PTCHD4: variants seen among roughly 807,000 people sequenced by gnomAD.
PTCHD4 encodes the protein patched domain containing 4, also known as patched domain-containing protein 4.
PTCHD4 carries 33 observed loss-of-function variants against 58.1 expected under a neutral mutation model. That is an observed-to-expected ratio of 0.57 (90% confidence interval 0.43 to 0.76). The LOEUF (loss-of-function observed/expected upper bound fraction) is 0.76, where lower values mean the gene tolerates loss of function less well. Ranked by LOEUF, PTCHD4 falls within the 30% of genes least tolerant of loss-of-function variation. The probability of loss-of-function intolerance (pLI) is 0.00; values close to 1 mark genes in which losing one functional copy is unlikely to be tolerated. For missense variants in PTCHD4, 1,058 were observed against 1,027.1 expected (o/e 1.03, Z -0.41); for synonymous variants, 478 against 409.6 (o/e 1.17, Z -2.02).
Position 48,007,298 on chromosome 6 carries a change from T to C in PTCHD4, c.898+1336A>G, listed in dbSNP as rs149239407. The stretch of plus-strand genomic sequence containing the variant: ...TAACAACTTAACATGGCCACAATGA[T>C]ATTGAGTTAATAGATAAATAAGTTA... On this transcript the variant is annotated intron_variant, in intron 4 of 4. Coordinates refer to ENST00000339488, the MANE Select transcript of PTCHD4 (RefSeq NM_001384253.1). Among the ~76,000 whole-genome samples the C allele has an allele frequency of 6.9e-3, 1,049 of 152,244 alleles. 18 individuals are homozygous for C. Among genetic ancestry groups the C allele is most frequent in the African/African-American group, 0.022 (934 of 41,542 alleles).
intron 1 of PTCHD4, among the ~76,000 whole-genome samples, chr6:48,096,364 C>A (rs1396888573): frequency 6.6e-6 from 1 of 152,144 alleles, no homozygotes; most frequent in Non-Finnish European, 1.5e-5. Context: ...GTAATCCCAG[C>A]ATTTTAGGAG....
At chr6:48,089,482 A>T (rs1765323535) in intron 1 of PTCHD4, among the ~76,000 whole-genome samples, 1 of 152,238 alleles carries the variant, frequency 6.6e-6, no homozygotes. Flanking sequence ...TTAGTCATAT[A>T]GTCATTGTAA....
intron 4 of PTCHD4, among the ~76,000 whole-genome samples, chr6:47,887,538 T>G (rs951065537): frequency 6.6e-6 from 1 of 152,182 alleles, no homozygotes; most frequent in Non-Finnish European, 1.5e-5. Flanking sequence ...TTATACCTAA[T>G]TGGGAAATTA....
intron 4 of PTCHD4, among the ~76,000 whole-genome samples, chr6:48,000,040 G>C (rs1419507764): frequency 6.6e-6 from 1 of 152,110 alleles, no homozygotes; most frequent in Non-Finnish European, 1.5e-5. Flanking sequence ...CTGAGGTAAG[G>C]CTGTTACAAA....
intron 3 of PTCHD4, among the ~76,000 whole-genome samples, chr6:48,030,488 G>A (rs755741016): frequency 6.6e-6 from 1 of 152,014 alleles, no homozygotes. Context: ...CACTAAAAAT[G>A]AAAACAGCTC....
intron 1 of PTCHD4, among the ~76,000 whole-genome samples, chr6:48,098,186 A>C (rs1426732916): frequency 3.3e-5 from 5 of 152,196 alleles, no homozygotes; most frequent in South Asian, 4.1e-4. Flanking sequence ...TCCCAACACA[A>C]AACAACTGCA....
At chr6:47,941,986 C>A (rs1766246389) in intron 4 of PTCHD4, among the ~76,000 whole-genome samples, 1 of 152,182 alleles carries the variant, frequency 6.6e-6, no homozygotes, top group South Asian at 2.1e-4. Context: ...GTGAATCTAG[C>A]AGTCACATTG....
intron 1 of PTCHD4, among the ~76,000 whole-genome samples, chr6:48,078,366 T>C (rs999506960): frequency 2.0e-5 from 3 of 152,218 alleles, no homozygotes; most frequent in African/African-American, 7.2e-5. Context: ...AGATGGAAAC[T>C]GTAAAAATAC....
chr6:47,877,852 C>T lies in PTCHD4; in HGVS notation c.*451G>A, dbSNP rs1763888305. 6.6e-6 allele frequency among the ~76,000 whole-genome samples: 1 copy of T among 151,986 alleles called. No individual in the cohort carries two copies. The highest frequency in any genetic ancestry group is 2.1e-4 in the South Asian group (1 of 4,822). On this transcript the variant is annotated 3_prime_UTR_variant, in exon 5 of 5. Transcript: ENST00000339488. ...TGGTTTAGACAGTATTAAATATGTACTTCCCAAGTGCATAGGTTTCCTTTG... is the reference window on the plus strand; with the variant it reads ...TGGTTTAGACAGTATTAAATATGTATTTCCCAAGTGCATAGGTTTCCTTTG...
chr6:47,982,471 T>C (rs1462541405), intron 4 of PTCHD4, among the ~76,000 whole-genome samples: 1 of 148,570 alleles, frequency 6.7e-6, no homozygotes, highest in South Asian at 2.1e-4. Context: ...CTAGTCTGTT[T>C]TATCTCTCTC....
intron 3 of PTCHD4, among the ~76,000 whole-genome samples, chr6:48,052,835 G>T (rs1044689374): frequency 2.6e-5 from 4 of 151,966 alleles, no homozygotes; most frequent in Admixed American, 2.6e-4. Context: ...TATTAACTGA[G>T]AAAACATCCT....
At chr6:48,101,851 T>C (rs1310537851) in intron 1 of PTCHD4, among the ~76,000 whole-genome samples, 1 of 152,186 alleles carries the variant, frequency 6.6e-6, no homozygotes, top group African/African-American at 2.4e-5. Flanking sequence ...TCCTTCTAGC[T>C]AATCAGGTCC....
At chr6:47,988,562 T>C (rs1194092273) in intron 4 of PTCHD4, among the ~76,000 whole-genome samples, 1 of 152,186 alleles carries the variant, frequency 6.6e-6, no homozygotes, top group African/African-American at 2.4e-5. Flanking sequence ...CCATGTATTG[T>C]GGGAAGGACC....
intron 1 of PTCHD4, among the ~76,000 whole-genome samples, chr6:48,094,215 A>G (rs1273894879): frequency 6.6e-6 from 1 of 152,194 alleles, no homozygotes; most frequent in Non-Finnish European, 1.5e-5. Flanking sequence ...TCTCTGAAAA[A>G]TAAAGGCACA....
At chr6:48,022,042 T>A (rs992006585) in intron 3 of PTCHD4, among the ~76,000 whole-genome samples, 1 of 152,148 alleles carries the variant, frequency 6.6e-6, no homozygotes, top group Admixed American at 6.5e-5. Flanking sequence ...AAGTTAGTTG[T>A]GTCTTAATCT....
chr6:47,983,720 A>G (rs922061020), intron 4 of PTCHD4, among the ~76,000 whole-genome samples: 3 of 152,194 alleles, frequency 2.0e-5, no homozygotes, highest in African/African-American at 7.2e-5. Context: ...GAACAGTTGA[A>G]ACACTTATGA....
At chr6:48,093,258 T>C (rs990680241) in intron 1 of PTCHD4, among the ~76,000 whole-genome samples, 1 of 152,174 alleles carries the variant, frequency 6.6e-6, no homozygotes, top group African/African-American at 2.4e-5. Context: ...CCCCTTCATT[T>C]TTCAGGTGAA....
intron 3 of PTCHD4, among the ~76,000 whole-genome samples, chr6:48,040,748 G>A (rs1223583277): frequency 2.6e-5 from 4 of 152,040 alleles, no homozygotes; most frequent in African/African-American, 7.2e-5. Context: ...ATTTTACAGA[G>A]AGAAGTCAAG....
At chr6:48,041,342 C>T (rs1763841219) in intron 3 of PTCHD4, among the ~76,000 whole-genome samples, 1 of 152,026 alleles carries the variant, frequency 6.6e-6, no homozygotes, top group Non-Finnish European at 1.5e-5. Flanking sequence ...AACCCAACTT[C>T]AAACACTCAG....
Sources: gnomAD v4.1 joint callset for allele counts (sites outside exome capture counted in the v4.1 genomes callset) on GRCh38, gnomAD v4.1.1 for gene constraint, MANE v1.5 for transcripts, NCBI Gene and HGNC (gene_info 2026-07-23, HGNC 2026-07-21) for gene names.